MARCHF8: variants seen among roughly 807,000 people sequenced by gnomAD.
The protein encoded by MARCHF8 is membrane associated ring-CH-type finger 8.
In MARCHF8, 40 loss-of-function variants were observed where a neutral mutation model predicts 51.6. The observed-to-expected ratio is 0.77, with a 90% CI of 0.60 to 1.01. The LOEUF (loss-of-function observed/expected upper bound fraction) is 1.01, where lower values mean the gene tolerates loss of function less well. Among genes scored for constraint, MARCHF8 ranks in the 50% least tolerant of loss-of-function variants. The pLI, the probability that MARCHF8 is intolerant of heterozygous loss-of-function variation, is 0.00. For synonymous variants in MARCHF8, 263 were observed against 280.3 expected (o/e 0.94, Z 0.62); for missense variants, 685 against 708.6 (o/e 0.97, Z 0.38).
chr10:45,553,650 T>C (rs1402551715), intron 1 of MARCHF8, among the ~76,000 whole-genome samples: 5 of 151,960 alleles, frequency 3.3e-5, no homozygotes, highest in African/African-American at 7.2e-5. Context: ...AATAAACTGG[T>C]AAATTCACAC....
intron 2 of MARCHF8, among the ~76,000 whole-genome samples, chr10:45,518,673 C>G (rs555971212): frequency 1.2e-4 from 18 of 152,336 alleles, no homozygotes; most frequent in African/African-American, 4.1e-4. Context: ...CAACTCCTAA[C>G]AGATTGCCCA....
At chr10:45,589,687 T>G (rs957102427) in intron 1 of MARCHF8, among the ~76,000 whole-genome samples, 5 of 152,212 alleles carry the variant, frequency 3.3e-5, no homozygotes, top group Non-Finnish European at 5.9e-5. Context: ...TTGTGACTGT[T>G]TCTTTTATCA....
At chr10:45,508,528 TACA>T (rs1251058725) in intron 2 of MARCHF8, among the ~76,000 whole-genome samples, 2 of 152,150 alleles carry the variant, frequency 1.3e-5, no homozygotes, top group African/African-American at 2.4e-5. Flanking sequence ...TTAACTTGGT[TACA>T]ACTTCACTTT....
At chr10:45,552,338 T>C (rs2044205697) in intron 1 of MARCHF8, among the ~76,000 whole-genome samples, 1 of 151,954 alleles carries the variant, frequency 6.6e-6, no homozygotes. Context: ...TATAAACTAT[T>C]ATTTGCTTTA....
intron 3 of MARCHF8, among the ~76,000 whole-genome samples, chr10:45,489,165 A>G (rs1403672456): frequency 2.0e-5 from 3 of 152,076 alleles, no homozygotes; most frequent in African/African-American, 7.2e-5. Context: ...CCCAGAAGTC[A>G]CTTCCCCCAA....
rs530711927 is a variant in MARCHF8 at position 45,570,618 on chromosome 10, G to A, written c.-79+23617C>T. Among the ~76,000 whole-genome samples, 40 of 152,272 alleles carry A rather than the reference G, an allele frequency of 2.6e-4. 1 individual carries two copies. In the South Asian group the frequency reaches 8.3e-3, roughly 32 times the overall value. The stretch of plus-strand genomic sequence containing the variant: ...TATTATATAGAAGATCCTAGCCAAT[G>A]TAATAGGCAAGGAAAAGAAATACTA... On this transcript the variant is annotated intron_variant, in intron 1 of 6. Coordinates refer to the MARCHF8 transcript ENST00000319836.
chr10:45,502,107 C>T (rs1017234339), intron 2 of MARCHF8, among the ~76,000 whole-genome samples: 7 of 152,118 alleles, frequency 4.6e-5, no homozygotes, highest in Non-Finnish European at 1.5e-5. Flanking sequence ...CATGAAATAG[C>T]TATTGCTCTC....
intron 1 of MARCHF8, among the ~76,000 whole-genome samples, chr10:45,563,484 T>C (rs2044332816): frequency 6.6e-6 from 1 of 152,220 alleles, no homozygotes; most frequent in Admixed American, 6.5e-5. Flanking sequence ...ATAAGGTTCA[T>C]TCAGCTTTGT....
chr10:45,531,779 G>T (rs2043890444), intron 2 of MARCHF8, among the ~76,000 whole-genome samples: 1 of 152,130 alleles, frequency 6.6e-6, no homozygotes, highest in Non-Finnish European at 1.5e-5. Context: ...AAATGCAAGG[G>T]TTCACTCTTC....
chr10:45,459,100 G>A lies in MARCHF8; in HGVS notation c.1417+20C>T, dbSNP rs372030398. On this transcript the variant is annotated intron_variant, in intron 7 of 7. Transcript: ENST00000453424. ...CTATCCCGGCCCCCATGCTGAGCTT[G>A]CTCCAGCCTGAGAACTCACCTGTTG... 3.7e-6 allele frequency: 6 copies of A among 1,613,500 alleles called. No individual in the cohort carries two copies. The African/African-American group carries it at 8.0e-5, about 22-fold the overall frequency.
At chr10:45,587,269 A>G (rs1191312645) in intron 1 of MARCHF8, among the ~76,000 whole-genome samples, 1 of 152,142 alleles carries the variant, frequency 6.6e-6, no homozygotes, top group East Asian at 1.9e-4. Context: ...ATATACAAAA[A>G]TCAGCTGTAT....
intron 1 of MARCHF8, among the ~76,000 whole-genome samples, chr10:45,583,941 G>A (rs547744064): frequency 1.2e-4 from 18 of 148,398 alleles, no homozygotes; most frequent in Non-Finnish European, 2.2e-4. Context: ...GAGGGGCGGA[G>A]GTTGCAGTGA....
chr10:45,464,143 G>T, intron 4 of MARCHF8, 96 bp downstream of exon 4: 1 of 1,559,124 alleles, frequency 6.4e-7, no homozygotes, highest in Non-Finnish European at 8.8e-7. Flanking sequence ...ACCAAAGGCA[G>T]ATTGATTAAG....
intron 2 of MARCHF8, among the ~76,000 whole-genome samples, chr10:45,523,819 A>T (rs540075008): frequency 3.9e-5 from 6 of 152,166 alleles, no homozygotes; most frequent in Non-Finnish European, 7.4e-5. Flanking sequence ...TTTTACCTAG[A>T]TTATGTACAC....
At chr10:45,528,236 A>G (rs2043822787) in intron 2 of MARCHF8, among the ~76,000 whole-genome samples, 1 of 152,168 alleles carries the variant, frequency 6.6e-6, no homozygotes, top group African/African-American at 2.4e-5. Context: ...CACAGTACTA[A>G]AAGTCCTATC....
chr10:45,478,091 CCAA>C (rs1190864100), intron 3 of MARCHF8, among the ~76,000 whole-genome samples: 4 of 152,190 alleles, frequency 2.6e-5, no homozygotes, highest in African/African-American at 9.7e-5. Flanking sequence ...AACGTTTCAT[CCAA>C]CAACTACAGA....
chr10:45,463,324 G>A lies in MARCHF8; in HGVS notation c.915C>T (p.Asp305=), dbSNP rs574918486. 42 of 1,550,814 alleles carry A rather than the reference G, an allele frequency of 2.7e-5. No individual in the cohort carries two copies. In the Middle Eastern group the frequency reaches 5.0e-4, roughly 18 times the overall value. ...GLAGSMGFCS[D]EMGDDDVFED... ...CAAAGACATCGTCGTCTCCCATCTC[G>A]TCAGAGCAGAAGCCCATACTCCCTG... The change falls in exon 5 of 8, where the codon GAC becomes GAT. Residue 305 remains aspartate, a synonymous_variant. Transcript: ENST00000453424.
At chr10:45,544,399 T>C (rs2044095138) in intron 1 of MARCHF8, among the ~76,000 whole-genome samples, 1 of 152,112 alleles carries the variant, frequency 6.6e-6, no homozygotes, top group African/African-American at 2.4e-5. Flanking sequence ...AAAACATACG[T>C]CCACACAAAG....
At position 45,464,284 on chromosome 10, in the gene MARCHF8, G is replaced by A; in HGVS notation, c.197C>T (p.Ser66Phe). ...TGGCGTGATAGAAGTGCGAGAGAAG[G>A]AGGACACCGGAGCCGGAGCTGATGC... is the stretch of plus-strand genomic sequence containing the variant. ...PSASAPAPVS[S>F]FSRTSITPSS... The change falls in exon 4 of 8, where the codon TCC becomes TTC. Residue 66 changes from serine (S) to phenylalanine (F), a missense_variant. Coordinates refer to ENST00000453424, the MANE Select transcript of MARCHF8 (RefSeq NM_001282866.2). The A allele has an allele frequency of 6.2e-7, 1 of 1,614,200 alleles. No individual in the cohort carries two copies. Among genetic ancestry groups the A allele is most frequent in the Non-Finnish European group, 8.5e-7 (1 of 1,180,028 alleles).
Sources: gnomAD v4.1 joint callset for allele counts (sites outside exome capture counted in the v4.1 genomes callset) on GRCh38, gnomAD v4.1.1 for gene constraint, MANE v1.5 for transcripts, NCBI Gene and HGNC (gene_info 2026-07-23, HGNC 2026-07-21) for gene names.